The following ANKRD30BL variants were observed in gnomAD, a reference collection of about 807,000 sequenced individuals.
The protein encoded by ANKRD30BL is putative ankyrin repeat domain-containing protein 30B-like.
Under a neutral mutation model 18.4 loss-of-function variants are expected in ANKRD30BL, and 20 were observed. That is an observed-to-expected ratio of 1.09 (90% CI 0.77 to 1.58). The LOEUF is 1.58. Among genes scored for constraint, ANKRD30BL ranks in the 40% most tolerant of loss-of-function variants. The probability of loss-of-function intolerance (pLI) is 0.00; values close to 1 mark genes in which losing one functional copy is unlikely to be tolerated. For synonymous variants in ANKRD30BL, 72 were observed against 100.9 expected (o/e 0.71, Z 1.72); for missense variants, 224 against 268.6 (o/e 0.83, Z 1.16).
At chr2:132,196,539 G>A (rs1678973141) in intron 1 of ANKRD30BL, among the ~76,000 whole-genome samples, 3 of 152,138 alleles carry the variant, frequency 2.0e-5, no homozygotes, top group Admixed American at 2.0e-4. Flanking sequence ...TGTAATCCCA[G>A]CACTTTGGTA....
At chr2:132,180,310 T>C (rs1688439653) in intron 1 of ANKRD30BL, among the ~76,000 whole-genome samples, 1 of 151,698 alleles carries the variant, frequency 6.6e-6, no homozygotes, top group African/African-American at 2.4e-5. Flanking sequence ...TTTAGTACAG[T>C]AACATGCTGT....
At chr2:132,251,761 G>A (rs1253648425) in intron 1 of ANKRD30BL, among the ~76,000 whole-genome samples, 2 of 151,952 alleles carry the variant, frequency 1.3e-5, no homozygotes, top group African/African-American at 4.8e-5. Context: ...GGTTTTCACT[G>A]TTGTTGCCTA....
At chr2:132,252,738 C>T (rs72866798) in intron 1 of ANKRD30BL, among the ~76,000 whole-genome samples, 1 of 152,076 alleles carries the variant, frequency 6.6e-6, no homozygotes, top group Non-Finnish European at 1.5e-5. Context: ...CCAACAAGCC[C>T]CCACCACCGA....
intron 1 of ANKRD30BL, chr2:132,256,902 C>T: frequency 8.7e-6 from 4 of 459,532 alleles, no homozygotes; most frequent in Non-Finnish European, 1.7e-5. Flanking sequence ...GGGGCACAGA[C>T]AGGCAAGGCC....
intron 1 of ANKRD30BL, among the ~76,000 whole-genome samples, chr2:132,217,121 C>T (rs556354827): frequency 1.3e-5 from 2 of 151,982 alleles, no homozygotes; most frequent in South Asian, 2.1e-4. Flanking sequence ...GAAGCATTCT[C>T]AGAAACTTCT....
At chr2:132,254,958 T>A (rs1680783239) in intron 1 of ANKRD30BL, among the ~76,000 whole-genome samples, 1 of 152,108 alleles carries the variant, frequency 6.6e-6, no homozygotes, top group Non-Finnish European at 1.5e-5. Flanking sequence ...CCATGTTGAG[T>A]CAAATTAAGC....
At chr2:132,236,333 A>C (rs944705262) in intron 1 of ANKRD30BL, among the ~76,000 whole-genome samples, 1 of 152,222 alleles carries the variant, frequency 6.6e-6, no homozygotes, top group Non-Finnish European at 1.5e-5. Flanking sequence ...GACAAAATTG[A>C]CAAATGGGAT....
At chr2:132,183,647 G>A (rs201412847) in intron 1 of ANKRD30BL, among the ~76,000 whole-genome samples, 1 of 151,864 alleles carries the variant, frequency 6.6e-6, no homozygotes, top group African/African-American at 2.4e-5. Flanking sequence ...TAAATGAGGA[G>A]ATTCAGGATA....
chr2:132,194,538 G>T lies in ANKRD30BL; in HGVS notation n.442-37392C>A, dbSNP rs1243714006. On this transcript the variant is annotated intron_variant and non_coding_transcript_variant, in intron 1 of 4. Transcript: ENST00000470729. ...TCTCCAATGAGTAACTTTAATTTAA[G>T]GAGTCCACAGTGACCTAAGCCAAAG... 2.0e-5 allele frequency among the ~76,000 whole-genome samples: 3 copies of T among 152,132 alleles called. No homozygotes were observed. The East Asian group carries it at 5.8e-4, about 29-fold the overall frequency.
intron 5 of ANKRD30BL, 123 bp from the exon 6 acceptor site, chr2:132,148,351 CCTTT>C (rs1687665101): frequency 9.8e-6 from 2 of 203,878 alleles, no homozygotes; most frequent in Non-Finnish European, 1.9e-5. Context: ...TTTGTTTTCT[CCTTT>C]TTTTTTTTTT....
intron 1 of ANKRD30BL, among the ~76,000 whole-genome samples, chr2:132,225,723 C>T (rs945498752): frequency 6.6e-6 from 1 of 152,018 alleles, no homozygotes; most frequent in African/African-American, 2.4e-5. Context: ...GCATTCACCT[C>T]ACAGAATTGA....
chr2:132,220,632 C>T (rs1296726407), intron 1 of ANKRD30BL, among the ~76,000 whole-genome samples: 2 of 152,102 alleles, frequency 1.3e-5, no homozygotes, highest in Non-Finnish European at 2.9e-5. Flanking sequence ...TCCCGAGGTG[C>T]CGGGATTGCA....
In ANKRD30BL at chr2:132,195,657, G is replaced by A. The variant is rs541290392; in HGVS notation, n.442-38511C>T. The stretch of plus-strand genomic sequence containing the variant: ...AATTCAAAAATTAGCAGGGCACGGT[G>A]GTGGGTGCTTGTAATCCCAGCTACT... On this transcript the variant is annotated intron_variant and non_coding_transcript_variant, in intron 1 of 4. Transcript: ENST00000470729. 1.6e-3 allele frequency among the ~76,000 whole-genome samples: 236 copies of A among 151,588 alleles called. 1 individual carries two copies. Among genetic ancestry groups the A allele is most frequent in the African/African-American group, 5.3e-3 (220 of 41,344 alleles).
intron 1 of ANKRD30BL, among the ~76,000 whole-genome samples, chr2:132,173,697 G>A (rs202032881): frequency 1.3e-5 from 2 of 151,952 alleles, no homozygotes; most frequent in Non-Finnish European, 1.5e-5. Context: ...CCAGCTTTCC[G>A]ACCTACTGAT....
chr2:132,167,607 C>G (rs565124448), intron 1 of ANKRD30BL, among the ~76,000 whole-genome samples: 75 of 152,274 alleles, frequency 4.9e-4, no homozygotes, highest in African/African-American at 1.8e-3. Context: ...CTGTGCCTGG[C>G]CTGCCTCCTC....
chr2:132,180,128 C>T (rs4374427), intron 1 of ANKRD30BL, among the ~76,000 whole-genome samples: 11,729 of 151,996 alleles, frequency 0.077, 595 homozygotes, highest in South Asian at 0.13. Context: ...ATGTCCTAGG[C>T]CTTCATATTC....
chr2:132,211,293 T>C (rs1430396361), intron 1 of ANKRD30BL, among the ~76,000 whole-genome samples: 1 of 139,696 alleles, frequency 7.2e-6, no homozygotes, highest in Non-Finnish European at 1.6e-5. Flanking sequence ...CTCACAGAGT[T>C]GAACCTTTCT....
intron 1 of ANKRD30BL, among the ~76,000 whole-genome samples, chr2:132,158,897 C>G (rs6746521): frequency 0.058 from 8,856 of 151,780 alleles, 857 homozygotes; most frequent in African/African-American, 0.2. Context: ...ACAGAATATA[C>G]TAATCCACAA....
At chr2:132,162,818 C>T (rs1378918904), upstream of ANKRD30BL, among the ~76,000 whole-genome samples, 1 of 152,364 alleles carries the variant, frequency 6.6e-6, no homozygotes, top group East Asian at 1.9e-4. Flanking sequence ...CGCCAGGATG[C>T]GGCTGAGCAG....
Sources: gnomAD v4.1 joint callset for allele counts (sites outside exome capture counted in the v4.1 genomes callset) on GRCh38, gnomAD v4.1.1 for gene constraint, MANE v1.5 for transcripts, NCBI Gene and HGNC (gene_info 2026-07-23, HGNC 2026-07-21) for gene names.